CACNA2D1: variants seen among roughly 807,000 people sequenced by gnomAD.
CACNA2D1 encodes the protein calcium voltage-gated channel auxiliary subunit alpha2delta 1.
In CACNA2D1, 53 loss-of-function variants were observed where a neutral mutation model predicts 171.5. That is an observed-to-expected ratio of 0.31 (90% CI 0.25 to 0.39). CACNA2D1 has a LOEUF of 0.39. Among genes scored for constraint, CACNA2D1 ranks in the 10% least tolerant of loss-of-function variants. The probability of loss-of-function intolerance (pLI) is 1.00; values close to 1 mark genes in which losing one functional copy is unlikely to be tolerated. For synonymous variants in CACNA2D1, 442 were observed against 443.1 expected (o/e 1.00, Z 0.03); for missense variants, 903 against 1,299.8 (o/e 0.69, Z 4.69).
At position 82,257,826 on chromosome 7, in the gene CACNA2D1, T is replaced by C. The variant is rs549323276; in HGVS notation, c.294+77309A>G. On this transcript the variant is annotated intron_variant, in intron 3 of 38. Coordinates refer to ENST00000356860, the MANE Select transcript of CACNA2D1 (RefSeq NM_000722.4). ...TGTAAAGTGAAAGAGAGAAGAAACA[T>C]ATTAGCTAAAAAAGACTACAGGTTT... 2.0e-5 allele frequency among the ~76,000 whole-genome samples: 3 copies of C among 152,304 alleles called. No individual in the cohort carries two copies. The South Asian group carries it at 6.2e-4, about 32-fold the overall frequency.
At chr7:82,342,113 T>C (rs1818738821) in intron 2 of CACNA2D1, among the ~76,000 whole-genome samples, 1 of 145,696 alleles carries the variant, frequency 6.9e-6, no homozygotes, top group African/African-American at 2.5e-5. Flanking sequence ...TCACTCTAAG[T>C]AAATTATGGC....
At chr7:82,429,021 G>A (rs181670010) in intron 1 of CACNA2D1, among the ~76,000 whole-genome samples, 10 of 152,238 alleles carry the variant, frequency 6.6e-5, no homozygotes, top group African/African-American at 9.6e-5. Flanking sequence ...ACAGGATTCC[G>A]ACTGGACAAA....
At chr7:81,965,538 T>C (rs984635322) in intron 32 of CACNA2D1, 56 bp downstream of exon 32, 10 of 900,180 alleles carry the variant, frequency 1.1e-5, no homozygotes, top group South Asian at 2.6e-5. Flanking sequence ...TTTTGTAATG[T>C]TGATCCGGGA....
intron 3 of CACNA2D1, among the ~76,000 whole-genome samples, chr7:82,176,341 C>T (rs1156450): frequency 0.73 from 110,881 of 151,814 alleles, 40,567 homozygotes; most frequent in East Asian, 0.78. Context: ...AACAATGCAG[C>T]TGAAATTCAT....
chr7:82,047,651 C>T (rs965035825), intron 10 of CACNA2D1, among the ~76,000 whole-genome samples: 1 of 152,026 alleles, frequency 6.6e-6, no homozygotes, highest in African/African-American at 2.4e-5. Flanking sequence ...AGAGTCAATT[C>T]AAGAACCACC....
chr7:82,044,003 G>A (rs1406519436), intron 10 of CACNA2D1, among the ~76,000 whole-genome samples: 1 of 152,192 alleles, frequency 6.6e-6, no homozygotes, highest in Non-Finnish European at 1.5e-5. Context: ...CAGTGAAAGA[G>A]AAGTAGCTCA....
chr7:82,218,851 A>G (rs541844046), intron 3 of CACNA2D1, among the ~76,000 whole-genome samples: 161 of 151,920 alleles, frequency 1.1e-3, no homozygotes, highest in African/African-American at 3.8e-3. Flanking sequence ...TGCATTAATT[A>G]AAATATCAAA....
intron 10 of CACNA2D1, among the ~76,000 whole-genome samples, chr7:82,057,228 CA>C (rs1385516321): frequency 6.6e-6 from 1 of 152,138 alleles, no homozygotes; most frequent in African/African-American, 2.4e-5. Context: ...ATATTTGCAT[CA>C]TGAAAATTGG....
intron 6 of CACNA2D1, among the ~76,000 whole-genome samples, chr7:82,110,812 T>G (rs1456533527): frequency 6.6e-6 from 1 of 152,176 alleles, no homozygotes; most frequent in Non-Finnish European, 1.5e-5. Context: ...ATCTACCCAT[T>G]ATAAAATTTC....
intron 10 of CACNA2D1, among the ~76,000 whole-genome samples, chr7:82,039,932 G>A (rs77652816): frequency 0.013 from 2,025 of 152,292 alleles, 48 homozygotes; most frequent in African/African-American, 0.044. Flanking sequence ...TGGAAATGCT[G>A]AAGATGATTT....
At position 82,014,425 on chromosome 7, in the gene CACNA2D1, G is replaced by T. The variant is rs1207058202; in HGVS notation, c.1198C>A (p.Gln400Lys). 4 of 1,594,706 alleles carry T rather than the reference G, an allele frequency of 2.5e-6. No individual in the cohort carries two copies. The highest frequency in any genetic ancestry group is 1.1e-5 in the South Asian group (1 of 90,678). The change falls in exon 13 of 39, where the codon CAG (glutamine) becomes AAG (lysine). Residue 400 changes from glutamine (Q) to lysine (K), a missense_variant. By Grantham distance (53) the Gln-to-Lys change is moderately conservative (BLOSUM62 1). Transcript: ENST00000356860. The stretch of plus-strand genomic sequence containing the variant: ...CCTTTGTTTTCACAGGCCATCCACT[G>T]AATAGGTCCTCTGTCATAATTGTGT... ...GQHNYDRGPIQWMACENKGYY... is the reference protein window; with the variant it reads ...GQHNYDRGPIKWMACENKGYY...
chr7:82,254,975 T>A (rs1282276332), intron 3 of CACNA2D1, among the ~76,000 whole-genome samples: 2 of 152,178 alleles, frequency 1.3e-5, no homozygotes, highest in Non-Finnish European at 2.9e-5. Context: ...CAGATGTAGA[T>A]ATAAAATGTA....
At chr7:82,086,768 A>G (rs908288912) in intron 6 of CACNA2D1, among the ~76,000 whole-genome samples, 6 of 152,056 alleles carry the variant, frequency 3.9e-5, no homozygotes, top group Non-Finnish European at 8.8e-5. Context: ...AATAACATCT[A>G]GTTATTTTTA....
chr7:82,014,743 G>A (rs1800217069), intron 12 of CACNA2D1, among the ~76,000 whole-genome samples: 1 of 152,126 alleles, frequency 6.6e-6, no homozygotes, highest in African/African-American at 2.4e-5. Context: ...TATGACTAAT[G>A]TTTCATTCAT....
chr7:82,046,161 T>A (rs1243297792), intron 10 of CACNA2D1, among the ~76,000 whole-genome samples: 3 of 152,142 alleles, frequency 2.0e-5, no homozygotes, highest in Non-Finnish European at 4.4e-5. Flanking sequence ...TAAATATATC[T>A]CTCACACTCT....
rs6150191 is a variant in CACNA2D1, at chr7:82,217,394, C to CATATATAT, written c.295-46793_295-46786dup. On this transcript the variant is annotated intron_variant, in intron 3 of 38. Coordinates refer to ENST00000356860, the MANE Select transcript of CACNA2D1 (RefSeq NM_000722.4). Reference sequence around the variant, plus strand: ...ACACACATATACACACACACACATACATATATATATATATATATATATATA... The same window carrying CATATATAT: ...ACACACATATACACACACACACATACATATATATATATATATATATATATATATATATA... Among the ~76,000 whole-genome samples the CATATATAT allele has an allele frequency of 9.8e-3, 1,000 of 102,342 alleles. 54 individuals carry two copies. Among genetic ancestry groups the CATATATAT allele is most frequent in the South Asian group, 0.018 (60 of 3,350 alleles). 67.1% of individuals were successfully genotyped at this position (102,342 alleles called of 152,430 possible). A position where few individuals can be genotyped will look rare whatever the true frequency, so the allele number is the denominator to read the frequency against.
intron 24 of CACNA2D1, among the ~76,000 whole-genome samples, chr7:81,976,095 T>C (rs1184006670): frequency 6.6e-6 from 1 of 152,064 alleles, no homozygotes; most frequent in Non-Finnish European, 1.5e-5. Context: ...GCAGTAGCAC[T>C]TCTAGTTTTA....
chr7:82,384,870 A>C (rs890421329), intron 1 of CACNA2D1, among the ~76,000 whole-genome samples: 1 of 152,188 alleles, frequency 6.6e-6, no homozygotes, highest in African/African-American at 2.4e-5. Flanking sequence ...TTTTTTACTG[A>C]ATGTTGATGC....
At chr7:82,028,432 AAC>A (rs1273407533) in intron 12 of CACNA2D1, 1 of 151,898 alleles carries the variant, frequency 6.6e-6, no homozygotes, top group African/African-American at 2.4e-5. Context: ...CTGCTAACAC[AAC>A]TTGCATTTTG....
Sources: gnomAD v4.1 joint callset for allele counts (sites outside exome capture counted in the v4.1 genomes callset) on GRCh38, gnomAD v4.1.1 for gene constraint, MANE v1.5 for transcripts, NCBI Gene and HGNC (gene_info 2026-07-23, HGNC 2026-07-21) for gene names.